ADGRG5: variants seen among roughly 807,000 people sequenced by gnomAD.
The protein encoded by ADGRG5 is adhesion G protein-coupled receptor G5, also known as G protein-coupled receptor 114.
In ADGRG5, 37 loss-of-function variants were observed where a neutral mutation model predicts 53.2. That is an observed-to-expected ratio of 0.70 (90% CI 0.53 to 0.91). The LOEUF (loss-of-function observed/expected upper bound fraction) is 0.91. Among genes scored for constraint, ADGRG5 ranks in the 40% least tolerant of loss-of-function variants. The pLI is 0.00. For synonymous variants in ADGRG5, 277 were observed against 290.4 expected, an observed-to-expected ratio of 0.95 and a Z score of 0.47; for missense variants, 614 against 675.8, an observed-to-expected ratio of 0.91 and a Z score of 1.01.
chr16:57,543,472 G>T (rs1253172086), intron 1 of ADGRG5, among the ~76,000 whole-genome samples: 1 of 151,918 alleles, frequency 6.6e-6, no homozygotes, highest in Admixed American at 6.6e-5. Context: ...TAGTAGAGGC[G>T]GGATTTCGCC....
intron 1 of ADGRG5, among the ~76,000 whole-genome samples, chr16:57,547,477 G>T (rs375083319): frequency 6.6e-6 from 1 of 152,058 alleles, no homozygotes; most frequent in Non-Finnish European, 1.5e-5. Context: ...ACGGAGTCTC[G>T]CTCTGTGGCC....
At chr16:57,538,938 AAAAT>A (rs879779372), upstream of ADGRG5, among the ~76,000 whole-genome samples, 1 of 150,342 alleles carries the variant, frequency 6.7e-6, no homozygotes, top group African/African-American at 2.5e-5. Flanking sequence ...AAAGATCATA[AAAAT>A]AAATAGTATG....
chr16:57,558,694 A>G (rs2032935157), intron 1 of ADGRG5, among the ~76,000 whole-genome samples: 2 of 152,084 alleles, frequency 1.3e-5, no homozygotes, highest in Admixed American at 6.5e-5. Context: ...ATGGGAACCA[A>G]TCTCTGCCTT....
chr16:57,538,526 G>C (rs1598086376), upstream of ADGRG5, among the ~76,000 whole-genome samples: 1 of 152,180 alleles, frequency 6.6e-6, no homozygotes, highest in African/African-American at 2.4e-5. Flanking sequence ...GGATCGTCTC[G>C]AGTAACTGGC....
At chr16:57,564,652 C>A (rs1183874825) in intron 5 of ADGRG5, among the ~76,000 whole-genome samples, 1 of 152,102 alleles carries the variant, frequency 6.6e-6, no homozygotes, top group African/African-American at 2.4e-5. Context: ...CCATAGAGAT[C>A]CAGAGTGATG....
chr16:57,532,347 A>G, the ADGRG5 span, among the ~76,000 whole-genome samples: 1 of 152,142 alleles, frequency 6.6e-6, no homozygotes, highest in Non-Finnish European at 1.5e-5. Flanking sequence ...ACACAGCCAT[A>G]CAGATCCAGG....
intron 10 of ADGRG5, 57 bp downstream of exon 10, chr16:57,570,592 G>A (rs2033325944): frequency 1.6e-6 from 2 of 1,228,438 alleles, no homozygotes; most frequent in Non-Finnish European, 2.4e-6. Flanking sequence ...GGCCACATGG[G>A]CCTGGGGCTC....
In ADGRG5 at chr16:57,556,780, A is replaced by G. The variant is rs547894043; in HGVS notation, c.-38-5276A>G. ...CTCTTCATTTCTTGGTTTAAGTCCA[A>G]ATTTCCAACTGGCATAATTTTTCTT... On this transcript the variant is annotated intron_variant, in intron 1 of 11. Coordinates refer to ENST00000349457, the MANE Select transcript of ADGRG5 (RefSeq NM_001304376.3). 2.6e-5 allele frequency among the ~76,000 whole-genome samples: 4 copies of G among 152,194 alleles called. No individual in the cohort carries two copies. In the South Asian group the frequency reaches 6.2e-4, roughly 24 times the overall value.
At chr16:57,568,194 T>TG in intron 9 of ADGRG5, 70 bp downstream of exon 9, 1 of 1,492,628 alleles carries the variant, frequency 6.7e-7, no homozygotes. Context: ...CTTTAGTCCT[T>TG]TCTTTCCCCT....
chr16:57,570,648 G>A (rs1438997355), intron 10 of ADGRG5, 113 bp downstream of exon 10: 1 of 773,386 alleles, frequency 1.3e-6, no homozygotes, highest in East Asian at 2.6e-5. Context: ...GGGGCAGAGA[G>A]GGAGCTGGGG....
At chr16:57,556,907 TC>T (rs1447255082) in intron 1 of ADGRG5, among the ~76,000 whole-genome samples, 3 of 131,916 alleles carry the variant, frequency 2.3e-5, no homozygotes. Flanking sequence ...TTTGCCTTCT[TC>T]TTTTTTTTTT....
intron 1 of ADGRG5, among the ~76,000 whole-genome samples, chr16:57,545,234 A>G (rs1316926633): frequency 2.6e-5 from 4 of 152,276 alleles, no homozygotes; most frequent in Admixed American, 1.3e-4. Flanking sequence ...TATATTTAAA[A>G]AATTCATGTT....
chr16:57,546,589 T>C (rs2032626337), intron 1 of ADGRG5, among the ~76,000 whole-genome samples: 1 of 152,256 alleles, frequency 6.6e-6, no homozygotes, highest in African/African-American at 2.4e-5. Flanking sequence ...ATGGCCTTCT[T>C]TTGGCCAGGT....
intron 1 of ADGRG5, among the ~76,000 whole-genome samples, chr16:57,558,651 A>G (rs1285917914): frequency 6.6e-6 from 1 of 152,176 alleles, no homozygotes; most frequent in Non-Finnish European, 1.5e-5. Context: ...TGCAGGTACT[A>G]GAGTGCAGGC....
chr16:57,551,920 A>C (rs1219503423), intron 1 of ADGRG5, among the ~76,000 whole-genome samples: 1 of 152,160 alleles, frequency 6.6e-6, no homozygotes, highest in African/African-American at 2.4e-5. Context: ...TGCAGAATGG[A>C]TGTTGTGTTA....
rs768437994 is a variant in ADGRG5 at position 57,570,406 on chromosome 16, C to T, written c.1091-12C>T. 5.0e-6 allele frequency: 8 copies of T among 1,588,146 alleles called. No homozygotes were observed. The highest frequency in any genetic ancestry group is 6.9e-6 in the Non-Finnish European group (8 of 1,159,552). On this transcript the variant is annotated splice_polypyrimidine_tract_variant and intron_variant, in intron 9 of 11. Coordinates refer to ENST00000349457, the MANE Select transcript of ADGRG5 (RefSeq NM_001304376.3). The stretch of plus-strand genomic sequence containing the variant: ...TCTCCCACATCTCCTGAGCCTTTGT[C>T]CCACCCCTCAGGGGCCCCAGCCCTC...
At chr16:57,564,105 A>G (rs2033072324) in intron 5 of ADGRG5, 126 bp downstream of exon 5, 2 of 1,038,168 alleles carry the variant, frequency 1.9e-6, no homozygotes, top group Admixed American at 4.5e-5. Context: ...CCATCTGTGC[A>G]ATCCAAGCCA....
chr16:57,533,679 C>G, the ADGRG5 span, among the ~76,000 whole-genome samples: 7 of 151,780 alleles, frequency 4.6e-5, no homozygotes, highest in Admixed American at 1.3e-4. Context: ...CACTCACACA[C>G]AGCCCCAGTA....
intron 9 of ADGRG5, among the ~76,000 whole-genome samples, chr16:57,568,773 T>C (rs1293648790): frequency 2.4e-3 from 118 of 49,692 alleles, no homozygotes; most frequent in African/African-American, 4.0e-3. Flanking sequence ...CCTCCACCTC[T>C]GTCACCTCCA....
Sources: allele counts gnomAD v4.1 joint callset (sites outside exome capture counted in the v4.1 genomes callset), GRCh38; gene constraint gnomAD v4.1.1; transcripts MANE v1.5; gene names NCBI Gene and HGNC (gene_info 2026-07-23, HGNC 2026-07-21).